TBKBP1: variants seen among roughly 807,000 people sequenced by gnomAD.
TBKBP1 encodes the protein TANK-binding kinase 1-binding protein 1.
TBKBP1 carries 47 observed loss-of-function variants against 69.9 expected under a neutral mutation model. The ratio of observed to expected loss-of-function variants is 0.67; its 90% CI spans 0.53 to 0.86. The LOEUF (loss-of-function observed/expected upper bound fraction) is 0.86, where lower values mean the gene tolerates loss of function less well. TBKBP1 is among the 40% of genes least tolerant of loss of function. TBKBP1 has a pLI of 0.00. For synonymous variants in TBKBP1, 418 were observed against 390.3 expected (o/e 1.07, Z -0.84); for missense variants, 831 against 858.6 (o/e 0.97, Z 0.40).
At chr17:47,699,519 C>T (rs1278570012) in intron 6 of TBKBP1, 24 bp downstream of exon 6, 1 of 1,600,974 alleles carries the variant, frequency 6.2e-7, no homozygotes, top group South Asian at 1.1e-5. Flanking sequence ...CCTGGAACAG[C>T]TTCTGGAGGT....
Position 47,708,512 on chromosome 17 carries a change from G to C in TBKBP1, c.991G>C (p.Gly331Arg). 1 of 1,613,642 alleles carries C rather than the reference G, an allele frequency of 6.2e-7. No individual in the cohort carries two copies. Among genetic ancestry groups the C allele is most frequent in the Non-Finnish European group, 8.5e-7 (1 of 1,179,738 alleles). The stretch of plus-strand genomic sequence containing the variant: ...GTTGCAGGAACAGGCCCGGAGTGGC[G>C]GTGAGATGGGGCAGGGCAGGGGGAG... Reference protein sequence around the residue: ...TLLQEQARSGGQRHSPLSQRH... With the variant: ...TLLQEQARSGRQRHSPLSQRH... Residue 331 changes from glycine to arginine, a missense_variant and splice_region_variant, in exon 8 of 10, where the codon GGC becomes CGC. Transcript: ENST00000578982. The surrounding 1 kb of genome is among the most constrained non-coding windows in gnomAD (Gnocchi z 4.4).
chr17:47,699,127 C>T (rs2031381361), intron 5 of TBKBP1, among the ~76,000 whole-genome samples, 193 bp from the exon 6 acceptor site: 1 of 152,026 alleles, frequency 6.6e-6, no homozygotes, highest in Non-Finnish European at 1.5e-5. Flanking sequence ...TTATTTTTTT[C>T]CTGGCCTCCA....
chr17:47,695,463 G>A (rs1285599551), intron 1 of TBKBP1: 1 of 152,332 alleles, frequency 6.6e-6, no homozygotes, highest in Non-Finnish European at 1.5e-5. Flanking sequence ...CTTCCTGTGG[G>A]TCCCAGGTCA....
chr17:47,708,257 C>T lies in TBKBP1; in HGVS notation c.873-137C>T. The T allele has an allele frequency of 1.2e-6, 1 of 823,694 alleles. No homozygotes were observed. The highest frequency in any genetic ancestry group is 1.7e-5 in the South Asian group (1 of 57,858). The allele number at this position is 823,694 out of a possible 1,614,324, so 51.0% of individuals were successfully genotyped here. A position where few individuals can be genotyped will look rare whatever the true frequency, so the allele number is the denominator to read the frequency against. ...ACCTTAAAGGTAGGGAGGATTTCTG[C>T]AATTGGGGTAGGAGGGCCCTGCGGG... is the stretch of plus-strand genomic sequence containing the variant. On this transcript the variant is annotated intron_variant, in intron 7 of 9. Coordinates refer to ENST00000578982, the MANE Select transcript of TBKBP1 (RefSeq NM_001394755.1). This position sits in a 1 kb window ranked among gnomAD's most constrained non-coding sequence, Gnocchi z 4.4.
At position 47,710,905 on chromosome 17, in the gene TBKBP1, C is replaced by A; in HGVS notation, c.*279C>A. 1 of 338,698 alleles carries A rather than the reference C, an allele frequency of 3.0e-6. No individual in the cohort carries two copies. Among genetic ancestry groups the A allele is most frequent in the Non-Finnish European group, 5.5e-6 (1 of 183,096 alleles). The allele number at this position is 338,698 out of a possible 1,614,324, so 21.0% of individuals were successfully genotyped here. A position where few individuals can be genotyped will look rare whatever the true frequency, so the allele number is the denominator to read the frequency against. ...ATGGGGACGGCATACCCCTCCCAGG[C>A]CTCTCCCTCTGCCTTTCTGTTCTTA... On this transcript the variant is annotated 3_prime_UTR_variant, in exon 10 of 10. Coordinates refer to ENST00000578982, the MANE Select transcript of TBKBP1 (RefSeq NM_001394755.1).
At chr17:47,703,655 C>T (rs556572247) in intron 7 of TBKBP1, among the ~76,000 whole-genome samples, 89 of 152,262 alleles carry the variant, frequency 5.8e-4, no homozygotes, top group African/African-American at 2.0e-3. Context: ...CTCCTTAAAC[C>T]GAAGCCACTA....
At chr17:47,696,624 C>T in intron 2 of TBKBP1, 87 bp from the exon 3 acceptor site, 2 of 1,595,134 alleles carry the variant, frequency 1.3e-6, no homozygotes, top group Non-Finnish European at 1.7e-6. Flanking sequence ...AGGTCTGAGG[C>T]AGGTTGTGGG....
At chr17:47,697,032 A>C (rs891890815) in intron 3 of TBKBP1, 57 bp from the exon 4 acceptor site, 12 of 1,560,714 alleles carry the variant, frequency 7.7e-6, no homozygotes, top group East Asian at 2.4e-5. Flanking sequence ...GGAGCTCTCC[A>C]ACTCCAAGTC....
chr17:47,694,235 G>A (rs1325962058), intron 1 of TBKBP1, 41 bp downstream of exon 1: 1 of 148,668 alleles, frequency 6.7e-6, no homozygotes, highest in African/African-American at 2.5e-5. Context: ...GAGGGGAGCG[G>A]CGCCCGGGCT....
intron 7 of TBKBP1, among the ~76,000 whole-genome samples, chr17:47,703,737 G>GA (rs2031602513): frequency 6.6e-6 from 1 of 151,582 alleles, no homozygotes; most frequent in African/African-American, 2.4e-5. Context: ...GCACTCCCCT[G>GA]AAATTTTTTT....
At chr17:47,701,951 C>T (rs2031522898) in intron 7 of TBKBP1, among the ~76,000 whole-genome samples, 1 of 152,232 alleles carries the variant, frequency 6.6e-6, no homozygotes, top group Admixed American at 6.5e-5. Context: ...CTCCAGCCTC[C>T]CAGATCTCTG....
intron 4 of TBKBP1, 145 bp downstream of exon 4, chr17:47,697,338 G>A (rs2143261189): frequency 1.4e-6 from 1 of 722,622 alleles, no homozygotes; most frequent in Non-Finnish European, 2.4e-6. Context: ...CCCTGCTTGT[G>A]TTCATGTGTA....
intron 7 of TBKBP1, among the ~76,000 whole-genome samples, chr17:47,703,280 G>T (rs1222427050): frequency 6.6e-6 from 1 of 152,134 alleles, no homozygotes; most frequent in Non-Finnish European, 1.5e-5. Flanking sequence ...GTGAACTCGA[G>T]AGAGAGGATG....
chr17:47,706,345 C>G (rs1294169798), intron 7 of TBKBP1, among the ~76,000 whole-genome samples: 1 of 152,170 alleles, frequency 6.6e-6, no homozygotes, highest in Non-Finnish European at 1.5e-5. Context: ...GAAGGGGAAG[C>G]CTTCCCTTGG....
In TBKBP1 at chr17:47,699,451, C is replaced by T. The variant is rs1443102189; in HGVS notation, c.766C>T (p.Arg256Trp). 12 of 1,570,400 alleles carry T rather than the reference C, an allele frequency of 7.6e-6. No homozygotes were observed. The highest frequency in any genetic ancestry group is 3.8e-5 in the Admixed American group (2 of 52,506). Residue 256 changes from arginine (R) to tryptophan (W), a missense_variant, in exon 6 of 10, where the codon CGG (arginine) becomes TGG (tryptophan). Arg to Trp is a moderately radical substitution (Grantham distance 101, BLOSUM62 -3). Transcript: ENST00000578982. ...REEQLQAECE[R>W]LQGELKQLQE... is the part of the protein sequence containing the mutation. ...GGAGCAGCTCCAGGCCGAGTGCGAG[C>T]GGCTGCAGGGGGAGCTGAAGCAGCT...
chr17:47,708,313 G>A lies in TBKBP1; in HGVS notation c.873-81G>A. ...GGGAGCATGGTGGGGCCAGATGCTG[G>A]GGTAGAGCCAGTTCTTCCTCCACAG... On this transcript the variant is annotated intron_variant, in intron 7 of 9. Coordinates refer to ENST00000578982, the MANE Select transcript of TBKBP1 (RefSeq NM_001394755.1). This position sits in a 1 kb window ranked among gnomAD's most constrained non-coding sequence, Gnocchi z 4.4. 6.9e-7 allele frequency: 1 copy of A among 1,447,932 alleles called. No homozygotes were observed. Among genetic ancestry groups the A allele is most frequent in the Non-Finnish European group, 9.6e-7 (1 of 1,043,402 alleles). 89.7% of individuals were successfully genotyped at this position (1,447,932 alleles called of 1,614,324 possible). A position where few individuals can be genotyped will look rare whatever the true frequency, so the allele number is the denominator to read the frequency against.
At chr17:47,703,529 G>A (rs1233990681) in intron 7 of TBKBP1, among the ~76,000 whole-genome samples, 1 of 152,240 alleles carries the variant, frequency 6.6e-6, no homozygotes, top group Non-Finnish European at 1.5e-5. Flanking sequence ...CAGAGGCTAG[G>A]TGGGTCTGAG....
At chr17:47,701,430 T>C (rs2031500353) in intron 7 of TBKBP1, among the ~76,000 whole-genome samples, 1 of 151,998 alleles carries the variant, frequency 6.6e-6, no homozygotes, top group East Asian at 1.9e-4. Context: ...CCAGAAGTCA[T>C]GATGTAGGGC....
intron 7 of TBKBP1, among the ~76,000 whole-genome samples, chr17:47,706,260 A>G (rs1384811440): frequency 6.6e-6 from 1 of 152,150 alleles, no homozygotes; most frequent in African/African-American, 2.4e-5. Flanking sequence ...CCAAGGAGAT[A>G]GCACGATCCT....
Sources: allele counts gnomAD v4.1 joint callset (sites outside exome capture counted in the v4.1 genomes callset), GRCh38; gene constraint gnomAD v4.1.1; non-coding constraint Gnocchi (gnomAD v3.1); transcripts MANE v1.5; gene names NCBI Gene and HGNC (gene_info 2026-07-23, HGNC 2026-07-21).